The following TLN2 variants were observed in gnomAD, a reference collection of about 807,000 sequenced individuals.
TLN2 encodes talin 2.
Under a neutral mutation model 294.7 loss-of-function variants are expected in TLN2, and 118 were observed. That is an observed-to-expected ratio of 0.40 (90% CI 0.34 to 0.47). TLN2 has a LOEUF of 0.47. Ranked by LOEUF, TLN2 falls within the 20% of genes least tolerant of loss-of-function variation. The probability of loss-of-function intolerance (pLI) is 0.84; values close to 1 mark genes in which losing one functional copy is unlikely to be tolerated. For synonymous variants in TLN2, 1,431 were observed against 1,304.5 expected, an observed-to-expected ratio of 1.10 and a Z score of -2.09; for missense variants, 3,083 against 3,282.2, an observed-to-expected ratio of 0.94 and a Z score of 1.48.
intron 1 of TLN2, among the ~76,000 whole-genome samples, chr15:62,531,816 T>C (rs1007303932): frequency 2.6e-5 from 4 of 152,166 alleles, no homozygotes; most frequent in Admixed American, 2.0e-4. Context: ...CCCCTAATAC[T>C]ACTATGGATT....
intron 16 of TLN2, among the ~76,000 whole-genome samples, chr15:62,700,695 A>T (rs1365438091): frequency 1.3e-5 from 2 of 152,124 alleles, no homozygotes; most frequent in Non-Finnish European, 1.5e-5. Flanking sequence ...AAGTTGAAAC[A>T]CCCTCTTTCT....
intron 1 of TLN2, among the ~76,000 whole-genome samples, chr15:62,562,920 A>T (rs2043085334): frequency 2.2e-5 from 2 of 92,880 alleles, no homozygotes; most frequent in African/African-American, 4.3e-5. Flanking sequence ...ACACACACAC[A>T]CACACACACA....
At chr15:62,436,491 C>G (rs1349823045) in intron 1 of TLN2, among the ~76,000 whole-genome samples, 2 of 152,094 alleles carry the variant, frequency 1.3e-5, no homozygotes, top group Non-Finnish European at 2.9e-5. Context: ...GAGCAGGTGG[C>G]AGGATGTCAG....
Position 62,702,098 on chromosome 15 carries a change from G to A in TLN2, c.1803G>A (p.Met601Ile), listed in dbSNP as rs926262459. The change falls in exon 18 of 59, where the codon ATG (methionine) becomes ATA (isoleucine). Residue 601 changes from methionine to isoleucine, a missense_variant. By Grantham distance (10) the Met-to-Ile change is conservative. Transcript: ENST00000636159. ...GTGTGAAGCTATTGGCCGCCCTCAT[G>A]GATGATGAGGTGGGCAGCGGGGAGG... is the stretch of plus-strand genomic sequence containing the variant. ...SKGVKLLAAL[M>I]DDEVGSGEDL... is the part of the protein sequence containing the mutation. The A allele has an allele frequency of 6.2e-7, 1 of 1,614,112 alleles. No homozygotes were observed. The highest frequency in any genetic ancestry group is 1.7e-5 in the Admixed American group (1 of 60,010).
chr15:62,714,959 A>G lies in TLN2; in HGVS notation c.2635-1372A>G, dbSNP rs141546150. Among the ~76,000 whole-genome samples the G allele has an allele frequency of 7.5e-4, 114 of 152,374 alleles. No individual in the cohort carries two copies. The East Asian group carries it at 0.011, about 15-fold the overall frequency. ...AGGCTGATGTGCACTTGAGACATAT[A>G]TAAAGGAGCAGCTTAGAAAATACCT... On this transcript the variant is annotated intron_variant, in intron 22 of 58. Transcript: ENST00000636159.
chr15:62,610,428 T>C (rs2047827165), intron 2 of TLN2, among the ~76,000 whole-genome samples: 1 of 152,216 alleles, frequency 6.6e-6, no homozygotes, highest in South Asian at 2.1e-4. Flanking sequence ...TATATATTGT[T>C]GATTCATTAA....
At chr15:62,674,976 T>C (rs572533490) in intron 10 of TLN2, among the ~76,000 whole-genome samples, 1 of 152,340 alleles carries the variant, frequency 6.6e-6, no homozygotes, top group Non-Finnish European at 1.5e-5. Flanking sequence ...TCACATTTAG[T>C]TGTGAAGTAA....
intron 28 of TLN2, among the ~76,000 whole-genome samples, chr15:62,733,178 A>ATC (rs2060823227): frequency 6.6e-6 from 1 of 152,228 alleles, no homozygotes; most frequent in South Asian, 2.1e-4. Flanking sequence ...GGAGCTGTGG[A>ATC]GAGGGCAGGG....
intron 37 of TLN2, among the ~76,000 whole-genome samples, chr15:62,756,908 A>G (rs940331389): frequency 1.3e-5 from 2 of 151,966 alleles, no homozygotes; most frequent in Non-Finnish European, 2.9e-5. Flanking sequence ...TTTTTTTAGA[A>G]ATGAACAAAC....
At chr15:62,755,824 G>T in intron 37 of TLN2, 131 bp downstream of exon 37, 1 of 1,255,160 alleles carries the variant, frequency 8.0e-7, no homozygotes, top group South Asian at 1.6e-5. Flanking sequence ...CTTATGGTTT[G>T]TGTCACTGAA....
chr15:62,427,450 C>G (rs1235194228), intron 1 of TLN2, among the ~76,000 whole-genome samples: 1 of 152,106 alleles, frequency 6.6e-6, no homozygotes, highest in Non-Finnish European at 1.5e-5. Flanking sequence ...TGGAGTGAGC[C>G]CCCCAAGTGG....
In TLN2 at chr15:62,841,168, CCT is replaced by C. The variant is rs1329337593; in HGVS notation, c.*559_*560del. On this transcript the variant is annotated 3_prime_UTR_variant, in exon 59 of 59. Coordinates refer to ENST00000636159, the MANE Select transcript of TLN2 (RefSeq NM_015059.3). ...ACCCAGGGGGTGAAAAATTCCCGCC[CCT>C]GTTTGCACGCTTTCTTGCCTCCGTG... 2.6e-5 allele frequency: 4 copies of C among 152,792 alleles called. No homozygotes were observed. The highest frequency in any genetic ancestry group is 3.9e-4 in the East Asian group (2 of 5,194). 9.5% of individuals were successfully genotyped at this position (152,792 alleles called of 1,614,324 possible). A position where few individuals can be genotyped will look rare whatever the true frequency, so the allele number is the denominator to read the frequency against.
chr15:62,634,726 A>G (rs192317398), intron 3 of TLN2, among the ~76,000 whole-genome samples: 1 of 152,318 alleles, frequency 6.6e-6, no homozygotes, highest in Admixed American at 6.5e-5. Flanking sequence ...GCATACTTCA[A>G]TTTAGTTAAT....
intron 1 of TLN2, among the ~76,000 whole-genome samples, chr15:62,443,584 TTTAGA>T (rs1214615558): frequency 2.0e-5 from 3 of 152,188 alleles, no homozygotes; most frequent in African/African-American, 4.8e-5. Flanking sequence ...AACTTCAAAC[TTTAGA>T]TTAAAGGAGC....
rs780862989 is a variant in TLN2, at chr15:62,647,443, C to A, written c.133C>A (p.Gln45Lys). ...RERVPEAQTG[Q>K]ASDYGLFLSD... ...ACGGGTGCCTGAGGCACAAACTGGG[C>A]AAGGTAGGTCATGGGTTATTTACTG... is the stretch of plus-strand genomic sequence containing the variant. Residue 45 changes from glutamine to lysine, a missense_variant, in exon 4 of 59, where the codon CAA (glutamine) becomes AAA (lysine). Physicochemically the swap from Gln to Lys is moderately conservative, Grantham distance 53. Transcript: ENST00000636159. 1 of 1,613,838 alleles carries A rather than the reference C, an allele frequency of 6.2e-7. No homozygotes were observed. The highest frequency in any genetic ancestry group is 8.5e-7 in the Non-Finnish European group (1 of 1,179,974).
intron 1 of TLN2, among the ~76,000 whole-genome samples, chr15:62,530,017 C>T (rs182759853): frequency 6.8e-4 from 104 of 152,174 alleles, no homozygotes; most frequent in African/African-American, 2.4e-3. Flanking sequence ...CTGGTGAAAC[C>T]CCTTCTCTAC....
intron 51 of TLN2, among the ~76,000 whole-genome samples, chr15:62,807,152 C>T (rs2066346103): frequency 6.6e-6 from 1 of 152,104 alleles, no homozygotes; most frequent in Admixed American, 6.5e-5. Flanking sequence ...CCTGAGGCTG[C>T]AAGTATTGGC....
At chr15:62,667,231 G>A (rs1384355014) in intron 9 of TLN2, among the ~76,000 whole-genome samples, 1 of 152,226 alleles carries the variant, frequency 6.6e-6, no homozygotes, top group Non-Finnish European at 1.5e-5. Flanking sequence ...CTCCCAAAGT[G>A]CTGGGATTAC....
intron 42 of TLN2, among the ~76,000 whole-genome samples, chr15:62,774,953 C>CTTTT (rs36003657): frequency 3.6e-4 from 37 of 101,476 alleles, no homozygotes; most frequent in Middle Eastern, 5.6e-3. Context: ...GAATTGCTGG[C>CTTTT]TTTTTTTTTT....
Sources: allele counts gnomAD v4.1 joint callset (sites outside exome capture counted in the v4.1 genomes callset), GRCh38; gene constraint gnomAD v4.1.1; transcripts MANE v1.5; gene names NCBI Gene and HGNC (gene_info 2026-07-23, HGNC 2026-07-21).